Variants in GALNT18 observed in about 807,000 individuals in gnomAD.
GALNT18 encodes the protein GalNAc-transferase 18.
GALNT18 carries 44 observed loss-of-function variants against 69.5 expected under a neutral mutation model. The ratio of observed to expected loss-of-function variants is 0.63; its 90% CI spans 0.50 to 0.81. The LOEUF (loss-of-function observed/expected upper bound fraction) is 0.81, where lower values mean the gene tolerates loss of function less well. Ranked by LOEUF, GALNT18 falls within the 40% of genes least tolerant of loss-of-function variation. GALNT18 has a pLI of 0.00. For missense variants in GALNT18, 715 were observed against 810.0 expected (o/e 0.88, Z 1.42); for synonymous variants, 364 against 318.2 (o/e 1.14, Z -1.53).
At chr11:11,278,773 T>G (rs1849003066) in intron 10 of GALNT18, among the ~76,000 whole-genome samples, 1 of 152,176 alleles carries the variant, frequency 6.6e-6, no homozygotes, top group African/African-American at 2.4e-5. Flanking sequence ...ATAGAAGGAA[T>G]AAGCTCTAAT....
At chr11:11,327,918 AC>A (rs1405902582) in intron 8 of GALNT18, among the ~76,000 whole-genome samples, 2 of 152,184 alleles carry the variant, frequency 1.3e-5, no homozygotes, top group Non-Finnish European at 2.9e-5. Context: ...CATGGTGGGC[AC>A]CAACCCACGC....
intron 2 of GALNT18, among the ~76,000 whole-genome samples, chr11:11,447,095 C>T (rs1218739482): frequency 6.6e-6 from 1 of 152,166 alleles, no homozygotes; most frequent in Non-Finnish European, 1.5e-5. Flanking sequence ...CTACTGCCCC[C>T]TTACACACCC....
intron 10 of GALNT18, among the ~76,000 whole-genome samples, chr11:11,279,051 C>T (rs1459547716): frequency 6.6e-6 from 1 of 152,152 alleles, no homozygotes; most frequent in Admixed American, 6.5e-5. Flanking sequence ...GGGCCGGATC[C>T]CTCATGACGG....
At position 11,584,976 on chromosome 11, in the gene GALNT18, G is replaced by A. The variant is rs1223050300; in HGVS notation, c.235+36383C>T. Among the ~76,000 whole-genome samples, 2 of 152,076 alleles carry A rather than the reference G, an allele frequency of 1.3e-5. No individual in the cohort carries two copies. Among genetic ancestry groups the A allele is most frequent in the East Asian group, 3.9e-4 (2 of 5,188 alleles). On this transcript the variant is annotated intron_variant, in intron 1 of 10. Coordinates refer to ENST00000227756, the MANE Select transcript of GALNT18 (RefSeq NM_198516.3). The surrounding 1 kb of genome is among the most constrained non-coding windows in gnomAD (Gnocchi z 4.1). Reference sequence around the variant, plus strand: ...TTGCCTCCACCACTATGAGCTTGACGGCTTCCCAACACCTAAAGACTTCTG... The same window carrying A: ...TTGCCTCCACCACTATGAGCTTGACAGCTTCCCAACACCTAAAGACTTCTG...
intron 10 of GALNT18, among the ~76,000 whole-genome samples, chr11:11,276,961 C>A (rs1848963334): frequency 6.6e-6 from 1 of 152,022 alleles, no homozygotes; most frequent in Non-Finnish European, 1.5e-5. Flanking sequence ...GGGATATTGG[C>A]CTGAAATTTT....
chr11:11,457,927 A>G (rs898757737), intron 1 of GALNT18, among the ~76,000 whole-genome samples: 17 of 152,162 alleles, frequency 1.1e-4, no homozygotes, highest in African/African-American at 4.1e-4. Flanking sequence ...TTGTTTGGTG[A>G]TAAGATCCAG....
At chr11:11,489,535 A>G (rs1274368499) in intron 1 of GALNT18, among the ~76,000 whole-genome samples, 1 of 152,170 alleles carries the variant, frequency 6.6e-6, no homozygotes, top group Non-Finnish European at 1.5e-5. Context: ...GTCGCTCCCT[A>G]GAGAGAAGAT....
intron 6 of GALNT18, among the ~76,000 whole-genome samples, chr11:11,351,140 G>T (rs1161204621): frequency 6.6e-6 from 1 of 152,182 alleles, no homozygotes; most frequent in Non-Finnish European, 1.5e-5. Flanking sequence ...TTCATTCAAA[G>T]CAGTACCCCA....
intron 1 of GALNT18, among the ~76,000 whole-genome samples, chr11:11,565,899 T>C (rs1858638707): frequency 6.6e-6 from 1 of 152,032 alleles, no homozygotes; most frequent in Non-Finnish European, 1.5e-5. Flanking sequence ...TTTAAGACAG[T>C]GTAGAGAAGT....
In GALNT18 at chr11:11,481,847, T is replaced by C. The variant is rs1856537696; in HGVS notation, c.236-32911A>G. Among the ~76,000 whole-genome samples, 3 of 152,226 alleles carry C rather than the reference T, an allele frequency of 2.0e-5. No homozygotes were observed. In the South Asian group the frequency reaches 6.2e-4, roughly 32 times the overall value. ...GGAGGCACAGACCTTGTTTGAATTA[T>C]CACAGTTGTATCCCCAGAGCATAGC... On this transcript the variant is annotated intron_variant, in intron 1 of 10. Transcript: ENST00000227756.
rs1255607728 is a variant in GALNT18, at chr11:11,454,775, A to G, written c.236-5839T>C. On this transcript the variant is annotated intron_variant, in intron 1 of 10. Transcript: ENST00000227756. The surrounding 1 kb of genome is among the most constrained non-coding windows in gnomAD (Gnocchi z 4.2). ...TGCGGTGTCCTCAAAGCTCTGGCAG[A>G]CACGTTGATACCCATCTTCCCTCCT... Among the ~76,000 whole-genome samples the G allele has an allele frequency of 1.3e-5, 2 of 152,016 alleles. No homozygotes were observed. Among genetic ancestry groups the G allele is most frequent in the Non-Finnish European group, 2.9e-5 (2 of 68,004 alleles).
chr11:11,569,630 T>C (rs754340228), intron 1 of GALNT18, among the ~76,000 whole-genome samples: 1 of 152,206 alleles, frequency 6.6e-6, no homozygotes, highest in African/African-American at 2.4e-5. Context: ...CCAAGGGCTA[T>C]GTCCCATCTG....
intron 6 of GALNT18, chr11:11,353,252 T>C (rs1181638811): frequency 3.5e-5 from 39 of 1,108,036 alleles, no homozygotes; most frequent in Non-Finnish European, 5.1e-5. Flanking sequence ...CGGCAGCGGC[T>C]GTGGCCGCTC....
chr11:11,615,395 A>C (rs931896254), intron 1 of GALNT18, among the ~76,000 whole-genome samples: 2 of 152,250 alleles, frequency 1.3e-5, no homozygotes, highest in African/African-American at 4.8e-5. Context: ...AACAAAATGC[A>C]GTTAATAACC....
intron 1 of GALNT18, among the ~76,000 whole-genome samples, chr11:11,529,715 GGAGAGA>G (rs373159701): frequency 2.0e-4 from 31 of 152,030 alleles, no homozygotes; most frequent in Non-Finnish European, 4.0e-4. Flanking sequence ...GAGGGGAGAA[GGAGAGA>G]GAGAGAGACT....
intron 9 of GALNT18, among the ~76,000 whole-genome samples, chr11:11,304,163 C>T (rs1424228248): frequency 6.6e-6 from 1 of 152,212 alleles, no homozygotes; most frequent in Admixed American, 6.5e-5. Context: ...AGGGAAGACC[C>T]ATAAACTTTT....
intron 1 of GALNT18, among the ~76,000 whole-genome samples, chr11:11,578,835 A>G (rs1261845933): frequency 1.3e-5 from 2 of 152,228 alleles, no homozygotes; most frequent in Non-Finnish European, 2.9e-5. Context: ...CCTTTCCCTA[A>G]CAGCTCTTTC....
chr11:11,613,679 G>A lies in GALNT18; in HGVS notation c.235+7680C>T, dbSNP rs957992345. 1.3e-5 allele frequency among the ~76,000 whole-genome samples: 2 copies of A among 152,230 alleles called. No individual in the cohort carries two copies. The highest frequency in any genetic ancestry group is 2.4e-5 in the African/African-American group (1 of 41,454). On this transcript the variant is annotated intron_variant, in intron 1 of 10. Transcript: ENST00000227756. The surrounding 1 kb of genome is among the most constrained non-coding windows in gnomAD (Gnocchi z 4.2). ...ATTCAATAACAATTGTAGGAGCCAT[G>A]AAATGACCACATCCCTGCCAAATCC...
Position 11,596,811 on chromosome 11 carries a change from T to G in GALNT18, c.235+24548A>C. On this transcript the variant is annotated intron_variant, in intron 1 of 10. Coordinates refer to ENST00000227756, the MANE Select transcript of GALNT18 (RefSeq NM_198516.3). The surrounding 1 kb of genome is among the most constrained non-coding windows in gnomAD (Gnocchi z 4.2). ...TGCAAACAGAGATAGTTTTACTTTC[T>G]TTAAAACATCTGGTATAATATTAAA... Among the ~76,000 whole-genome samples, 1 of 152,184 alleles carries G rather than the reference T, an allele frequency of 6.6e-6. No individual in the cohort carries two copies. The highest frequency in any genetic ancestry group is 1.9e-4 in the East Asian group (1 of 5,196).
Sources: allele counts gnomAD v4.1 joint callset (sites outside exome capture counted in the v4.1 genomes callset), GRCh38; gene constraint gnomAD v4.1.1; non-coding constraint Gnocchi (gnomAD v3.1); transcripts MANE v1.5; gene names NCBI Gene and HGNC (gene_info 2026-07-23, HGNC 2026-07-21).